The following C16orf89 variants were observed in gnomAD, a reference collection of about 807,000 sequenced individuals.
C16orf89 encodes UPF0764 protein C16orf89.
Under a neutral mutation model 41.5 loss-of-function variants are expected in C16orf89, and 57 were observed. The observed-to-expected ratio is 1.38, with a 90% CI of 1.11 to 1.71. The LOEUF (loss-of-function observed/expected upper bound fraction) is 1.71. Among genes scored for constraint, C16orf89 ranks in the 40% most tolerant of loss-of-function variants. The probability of loss-of-function intolerance (pLI) is 0.00; values close to 1 mark genes in which losing one functional copy is unlikely to be tolerated. For missense variants in C16orf89, 575 were observed against 445.9 expected (o/e 1.29, Z -2.61); for synonymous variants, 223 against 190.6 (o/e 1.17, Z -1.40).
At chr16:5,058,219 C>T (rs182721081) in intron 4 of C16orf89, among the ~76,000 whole-genome samples, 3 of 151,926 alleles carry the variant, frequency 2.0e-5, no homozygotes, top group Non-Finnish European at 4.4e-5. Flanking sequence ...CTCCGCCTCC[C>T]GGGTTCCAGT....
At chr16:5,061,432 CAAAAAAAA>C (rs59903296) in intron 2 of C16orf89, among the ~76,000 whole-genome samples, 2 of 25,240 alleles carry the variant, frequency 7.9e-5, no homozygotes, top group African/African-American at 4.1e-4. Flanking sequence ...GACTCTGTCT[CAAAAAAAA>C]AAAAAAAAAA....
At chr16:5,062,695 A>G in intron 1 of C16orf89, 121 bp from the exon 2 acceptor site, 1 of 1,127,748 alleles carries the variant, frequency 8.9e-7, no homozygotes, top group Non-Finnish European at 1.2e-6. Flanking sequence ...TGCCTTCTCC[A>G]GCACTCAGAG....
intron 6 of C16orf89, among the ~76,000 whole-genome samples, chr16:5,051,881 C>T (rs529297271): frequency 6.6e-6 from 1 of 152,234 alleles, no homozygotes; most frequent in East Asian, 1.9e-4. Context: ...AGGCAGATCA[C>T]TTGAGGCCAG....
intron 7 of C16orf89, among the ~76,000 whole-genome samples, chr16:5,045,605 C>G (rs1000587852): frequency 6.6e-6 from 1 of 152,142 alleles, no homozygotes; most frequent in Non-Finnish European, 1.5e-5. Flanking sequence ...CAGCTCATGC[C>G]TCTCAGTGGC....
At chr16:5,050,855 T>G (rs985397067) in intron 6 of C16orf89, among the ~76,000 whole-genome samples, 3 of 152,210 alleles carry the variant, frequency 2.0e-5, no homozygotes, top group Non-Finnish European at 4.4e-5. Context: ...TCATTCATCA[T>G]GAACAAGGGG....
chr16:5,044,297 G>A lies in C16orf89; in HGVS notation c.*51C>T. On this transcript the variant is annotated 3_prime_UTR_variant, in exon 8 of 8. Transcript: ENST00000472572. ...TGCCCTCCAGGATCTAAGGGATGAG[G>A]ACTAAAGGGGTCTGTTCCTCCTCCA... 8 of 1,546,818 alleles carry A rather than the reference G, an allele frequency of 5.2e-6. No individual in the cohort carries two copies. The highest frequency in any genetic ancestry group is 7.0e-6 in the Non-Finnish European group (8 of 1,149,152).
At chr16:5,055,702 A>G (rs537211353) in intron 5 of C16orf89, 49 of 1,535,692 alleles carry the variant, frequency 3.2e-5, no homozygotes, top group Admixed American at 9.8e-5. Context: ...CCATCTGTGT[A>G]GAGCTCCGTC....
chr16:5,049,588 A>G (rs138405265), intron 6 of C16orf89, among the ~76,000 whole-genome samples: 297 of 152,346 alleles, frequency 1.9e-3, no homozygotes, highest in African/African-American at 6.7e-3. Flanking sequence ...ATTAAACAAC[A>G]TGTTCCTGAA....
chr16:5,064,058 G>C (rs572845376), intron 1 of C16orf89, among the ~76,000 whole-genome samples: 9 of 152,250 alleles, frequency 5.9e-5, no homozygotes, highest in African/African-American at 2.2e-4. Flanking sequence ...CCTGGAGGTG[G>C]AGGTTGCAGT....
At chr16:5,052,447 G>A (rs1037579385) in intron 6 of C16orf89, among the ~76,000 whole-genome samples, 1 of 152,066 alleles carries the variant, frequency 6.6e-6, no homozygotes, top group Non-Finnish European at 1.5e-5. Context: ...AAAATTAGCC[G>A]GGTGTTGGTG....
At chr16:5,061,782 C>T (rs1956632370) in intron 2 of C16orf89, among the ~76,000 whole-genome samples, 1 of 152,110 alleles carries the variant, frequency 6.6e-6, no homozygotes, top group African/African-American at 2.4e-5. Flanking sequence ...CACCCCCATG[C>T]ATCTGATGGG....
In C16orf89 at chr16:5,060,287, C is replaced by T. The variant is rs182580518; in HGVS notation, c.508G>A (p.Gly170Arg). The T allele has an allele frequency of 2.8e-4, 452 of 1,606,870 alleles. 3 individuals carry two copies. The highest frequency in any genetic ancestry group is 2.8e-3 in the South Asian group (250 of 90,204). Residue 170 changes from glycine (G) to arginine (R), a missense_variant and splice_region_variant, in exon 3 of 8, where the codon GGG becomes AGG. Coordinates refer to ENST00000472572, the MANE Select transcript of C16orf89 (RefSeq NM_001098514.3). ...DVCLVQLLGT[G>R]TDSSEPCGLS... ...AAATAGGGCAAGTGCAGGGCCCACC[C>T]GGTTCCCAGCAGCTGCACCAGGCAC...
intron 1 of C16orf89, among the ~76,000 whole-genome samples, chr16:5,065,413 T>C (rs1406158542): frequency 2.0e-5 from 3 of 152,200 alleles, no homozygotes; most frequent in Non-Finnish European, 2.9e-5. Flanking sequence ...TTCGTGGCGT[T>C]GTGAGGAGGG....
intron 1 of C16orf89, among the ~76,000 whole-genome samples, chr16:5,064,288 T>C (rs1322882235): frequency 2.6e-5 from 4 of 152,144 alleles, no homozygotes; most frequent in African/African-American, 9.7e-5. Flanking sequence ...ACCACTGCAA[T>C]GGGACGTAGA....
chr16:5,044,115 C>A, downstream of C16orf89: 1 of 1,240,536 alleles, frequency 8.1e-7, no homozygotes, highest in Non-Finnish European at 1.0e-6. Context: ...CAAGACTCAA[C>A]CCTGGGTCAG....
intron 1 of C16orf89, among the ~76,000 whole-genome samples, chr16:5,063,264 G>A (rs183141953): frequency 1.3e-5 from 2 of 152,282 alleles, no homozygotes; most frequent in East Asian, 1.9e-4. Context: ...AGGTTAAGAA[G>A]GATGCTGAGG....
chr16:5,044,097 C>T, downstream of C16orf89: 2 of 1,175,280 alleles, frequency 1.7e-6, no homozygotes, highest in Admixed American at 9.1e-5. Context: ...GTCCTCAAAG[C>T]TGAGAAACAA....
intron 4 of C16orf89, among the ~76,000 whole-genome samples, chr16:5,056,450 T>A (rs1172923516): frequency 2.0e-5 from 3 of 152,102 alleles, no homozygotes; most frequent in Non-Finnish European, 4.4e-5. Flanking sequence ...CTCAAGAGTT[T>A]TTATCAGGAA....
At position 5,060,372 on chromosome 16, in the gene C16orf89, G is replaced by A. The variant is rs1443471717; in HGVS notation, c.423C>T (p.Ala141=). 3 of 1,613,644 alleles carry A rather than the reference G, an allele frequency of 1.9e-6. No individual in the cohort carries two copies. Among genetic ancestry groups the A allele is most frequent in the Admixed American group, 1.7e-5 (1 of 59,988 alleles). Residue 141 remains alanine, a synonymous_variant, in exon 3 of 8, where the codon GCC becomes GCT. Coordinates refer to ENST00000472572, the MANE Select transcript of C16orf89 (RefSeq NM_001098514.3). The part of the protein sequence containing the change: ...KLPHAWIHTD[A]SLVYPTFGPQ... ...GCCCGAACGTGGGGTACACCAAGGA[G>A]GCATCAGTGTGGATCCAGGCATGTG...
Sources: gnomAD v4.1 joint callset for allele counts (sites outside exome capture counted in the v4.1 genomes callset) on GRCh38, gnomAD v4.1.1 for gene constraint, MANE v1.5 for transcripts, NCBI Gene and HGNC (gene_info 2026-07-23, HGNC 2026-07-21) for gene names.